The following CEP152 variants were observed in gnomAD, a reference collection of about 807,000 sequenced individuals.
The protein encoded by CEP152 is centrosomal protein 152.
In CEP152, 132 loss-of-function variants were observed where a neutral mutation model predicts 188.9. The observed-to-expected ratio is 0.70, with a 90% confidence interval of 0.61 to 0.81. The LOEUF is 0.81. Among genes scored for constraint, CEP152 ranks in the 30% least tolerant of loss-of-function variants. The pLI is 0.00. For missense variants in CEP152, 1,914 were observed against 1,969.8 expected, an observed-to-expected ratio of 0.97 and a Z score of 0.54; for synonymous variants, 649 against 666.6, an observed-to-expected ratio of 0.97 and a Z score of 0.41.
At chr15:48,783,119 C>T (rs764189642) in intron 10 of CEP152, 1 of 152,186 alleles carries the variant, frequency 6.6e-6, no homozygotes, top group Non-Finnish European at 1.5e-5. Flanking sequence ...TAATGAATAA[C>T]TGTTGACCTG....
chr15:48,795,935 G>T, intron 6 of CEP152, 75 bp downstream of exon 6: 1 of 1,308,228 alleles, frequency 7.6e-7, no homozygotes, highest in Non-Finnish European at 1.1e-6. Context: ...TCTTGAATGT[G>T]CTCAAATATT....
intron 2 of CEP152, among the ~76,000 whole-genome samples, chr15:48,798,643 AAAG>A (rs1317124647): frequency 3.3e-5 from 5 of 152,236 alleles, no homozygotes; most frequent in Admixed American, 6.5e-5. Flanking sequence ...CATCTGAGTA[AAAG>A]AAGAGTTGGA....
At chr15:48,781,381 A>G in intron 11 of CEP152, 22 bp from the exon 12 acceptor site, 3 of 1,568,060 alleles carry the variant, frequency 1.9e-6, no homozygotes, top group East Asian at 2.2e-5. Context: ...AATTATTAAA[A>G]ATAATTTTCA....
chr15:48,738,888 A>C lies in CEP152; in HGVS notation c.4494T>G (p.Phe1498Leu), dbSNP rs1242704565. 3.1e-6 allele frequency: 5 copies of C among 1,614,082 alleles called. No individual in the cohort carries two copies. Among genetic ancestry groups the C allele is most frequent in the Non-Finnish European group, 3.4e-6 (4 of 1,180,030 alleles). ...AGGGTTTATTTCCTAAGGTTCCAAG[A>C]AAGGGGTATGCAGCTGAATGCGGAA... ...ESLPHSAAYP[F>L]LGTLGNKPSP... The change falls in exon 27 of 27, where the codon TTT becomes TTG. Residue 1498 changes from phenylalanine (F) to leucine (L), a missense_variant. By Grantham distance (22) the Phe-to-Leu change is conservative. Transcript: ENST00000380950.
rs1011368182 is a variant in CEP152 at position 48,767,428 on chromosome 15, A to G, written c.2054T>C (p.Met685Thr). The G allele has an allele frequency of 6.2e-7, 1 of 1,614,132 alleles. No individual in the cohort carries two copies. The highest frequency in any genetic ancestry group is 8.5e-7 in the Non-Finnish European group (1 of 1,180,000). Residue 685 changes from methionine (M) to threonine (T), a missense_variant, in exon 16 of 27, where the codon ATG becomes ACG. Transcript: ENST00000380950. Reference sequence around the variant, plus strand: ...TAGGCTTTCACGTATTTGAGTTTTCATGGCTTCATGGTGCTGCTGATAAGT... The same window carrying G: ...TAGGCTTTCACGTATTTGAGTTTTCGTGGCTTCATGGTGCTGCTGATAAGT... Reference protein sequence around the residue: ...ERTYQQHHEAMKTQIRESLLA... With the variant: ...ERTYQQHHEATKTQIRESLLA...
At chr15:48,787,671 A>G (rs1396743800) in intron 9 of CEP152, among the ~76,000 whole-genome samples, 1 of 152,358 alleles carries the variant, frequency 6.6e-6, no homozygotes, top group Non-Finnish European at 1.5e-5. Flanking sequence ...AGAGGCAGCT[A>G]TATAGGTCAG....
intron 1 of CEP152, among the ~76,000 whole-genome samples, chr15:48,807,880 T>C (rs1382865556): frequency 7.3e-6 from 1 of 137,218 alleles, no homozygotes; most frequent in Non-Finnish European, 1.6e-5. Context: ...TTTTCTCAGA[T>C]AGAGAATACT....
chr15:48,784,838 AGAGT>A (rs1369262999), intron 9 of CEP152, among the ~76,000 whole-genome samples: 1 of 152,228 alleles, frequency 6.6e-6, no homozygotes, highest in Non-Finnish European at 1.5e-5. Flanking sequence ...CATAAAATAT[AGAGT>A]GTGTATGCAA....
At chr15:48,796,546 A>T (rs1448978302) in intron 5 of CEP152, among the ~76,000 whole-genome samples, 1 of 152,184 alleles carries the variant, frequency 6.6e-6, no homozygotes, top group Non-Finnish European at 1.5e-5. Context: ...GCACATATCC[A>T]ATAACATGAA....
chr15:48,807,876 CAGAT>C (rs1170745243), intron 1 of CEP152, among the ~76,000 whole-genome samples: 2 of 145,934 alleles, frequency 1.4e-5, no homozygotes, highest in Non-Finnish European at 3.0e-5. Context: ...TACTTTTTCT[CAGAT>C]AGAGAATACT....
chr15:48,780,267 C>T (rs1896160669), intron 12 of CEP152, among the ~76,000 whole-genome samples: 1 of 152,168 alleles, frequency 6.6e-6, no homozygotes, highest in South Asian at 2.1e-4. Flanking sequence ...AGACAGACCT[C>T]TAGATAAATG....
intron 20 of CEP152, among the ~76,000 whole-genome samples, chr15:48,753,054 A>G (rs1449879333): frequency 6.6e-6 from 1 of 152,198 alleles, no homozygotes; most frequent in African/African-American, 2.4e-5. Context: ...CTTGCACAAG[A>G]CCATTTCTTC....
chr15:48,788,772 AAC>A lies in CEP152; in HGVS notation c.1173+27_1173+28del, dbSNP rs1200291801. On this transcript the variant is annotated intron_variant, in intron 9 of 26. Transcript: ENST00000380950. ...AACATAACCAGCTTTACTTGTTGAT[AAC>A]AGTTGCTCATTTGAAATCATCCCAA... 1.1e-5 allele frequency: 18 copies of A among 1,591,390 alleles called. 1 individual carries two copies. The Admixed American group carries it at 2.2e-4, about 19-fold the overall frequency.
At chr15:48,804,085 T>C (rs1183425771) in intron 2 of CEP152, among the ~76,000 whole-genome samples, 1 of 152,184 alleles carries the variant, frequency 6.6e-6, no homozygotes, top group Non-Finnish European at 1.5e-5. Flanking sequence ...CAGGTCTGAG[T>C]GCATAAGCCC....
intron 20 of CEP152, among the ~76,000 whole-genome samples, chr15:48,754,673 T>C (rs545139876): frequency 6.6e-5 from 10 of 152,308 alleles, no homozygotes; most frequent in Admixed American, 3.3e-4. Context: ...TGGAGTGAGC[T>C]GATCTTTCAG....
At chr15:48,787,163 G>GTTTTTTGTTTTTTTTTTT (rs71120640) in intron 9 of CEP152, among the ~76,000 whole-genome samples, 1 of 101,500 alleles carries the variant, frequency 9.9e-6, no homozygotes. Flanking sequence ...TATAGCCTTC[G>GTTTTTTGTTTTTTTTTTT]TTTTTTTTTT....
chr15:48,760,383 G>T, intron 18 of CEP152, 117 bp from the exon 19 acceptor site: 1 of 1,273,402 alleles, frequency 7.9e-7, no homozygotes, highest in Non-Finnish European at 1.1e-6. Flanking sequence ...ACATAATAAA[G>T]TCAAACTGAC....
rs1896823762 is a variant in CEP152, at chr15:48,788,723, T to G, written c.1173+78A>C. On this transcript the variant is annotated intron_variant, in intron 9 of 26. Coordinates refer to ENST00000380950, the MANE Select transcript of CEP152 (RefSeq NM_001194998.2). ...ACAAACATCCAAGACTTCTATATGA[T>G]GAACCATAAAATATCAGTTACAAAA... The G allele has an allele frequency of 2.3e-6, 3 of 1,310,954 alleles. 1 individual carries two copies. The African/African-American group carries it at 4.3e-5, about 19-fold the overall frequency. The allele number at this position is 1,310,954 out of a possible 1,614,324, so 81.2% of individuals were successfully genotyped here.
chr15:48,748,194 C>T (rs900960853), intron 22 of CEP152, among the ~76,000 whole-genome samples: 5 of 152,092 alleles, frequency 3.3e-5, no homozygotes, highest in South Asian at 2.1e-4. Flanking sequence ...GCCTGCTTGA[C>T]GTATACTGGG....
Sources: allele counts gnomAD v4.1 joint callset (sites outside exome capture counted in the v4.1 genomes callset), GRCh38; gene constraint gnomAD v4.1.1; transcripts MANE v1.5; gene names NCBI Gene and HGNC (gene_info 2026-07-23, HGNC 2026-07-21).